GRM8: variants seen among roughly 807,000 people sequenced by gnomAD.
The protein encoded by GRM8 is metabotropic glutamate receptor 8.
In GRM8, 47 loss-of-function variants were observed where a neutral mutation model predicts 87.2. The ratio of observed to expected loss-of-function variants is 0.54; its 90% CI spans 0.43 to 0.69. The LOEUF (loss-of-function observed/expected upper bound fraction) is 0.69. Ranked by LOEUF, GRM8 falls within the 30% of genes least tolerant of loss-of-function variation. The pLI, the probability that GRM8 is intolerant of heterozygous loss-of-function variation, is 0.00. For missense variants in GRM8, 1,019 were observed against 1,139.2 expected (o/e 0.89, Z 1.52); for synonymous variants, 396 against 404.5 (o/e 0.98, Z 0.25).
At position 126,533,167 on chromosome 7, in the gene GRM8, C is replaced by G. The variant is rs752488695; in HGVS notation, c.2215G>C (p.Val739Leu). 2 of 1,612,822 alleles carry G rather than the reference C, an allele frequency of 1.2e-6. No homozygotes were observed. The highest frequency in any genetic ancestry group is 2.2e-5 in the East Asian group (1 of 44,786). Residue 739 changes from valine (V) to leucine (L), a missense_variant, in exon 9 of 11, where the codon GTG becomes CTG. Coordinates refer to ENST00000339582, the MANE Select transcript of GRM8 (RefSeq NM_000845.3). ...AGATCAGAAATGTCACACTTGAGCA[C>G]TCCCCTGGCCTTCTCTGGATCTAGT... ...RTLDPEKARG[V>L]LKCDISDLSL... is the part of the protein sequence containing the mutation.
intron 2 of GRM8, among the ~76,000 whole-genome samples, chr7:127,126,632 C>G (rs1827388827): frequency 6.6e-6 from 1 of 151,732 alleles, no homozygotes; most frequent in Non-Finnish European, 1.5e-5. Flanking sequence ...TTAAATAATA[C>G]TACTAATAAA....
At chr7:126,583,278 C>T (rs1795783425) in intron 8 of GRM8, among the ~76,000 whole-genome samples, 1 of 152,112 alleles carries the variant, frequency 6.6e-6, no homozygotes, top group South Asian at 2.1e-4. Context: ...ATTGCTTGAA[C>T]CCGGGAAAGG....
intron 3 of GRM8, among the ~76,000 whole-genome samples, chr7:127,075,436 T>G (rs961580549): frequency 6.6e-6 from 1 of 152,210 alleles, no homozygotes; most frequent in Non-Finnish European, 1.5e-5. Flanking sequence ...ACTAAAATAT[T>G]TACTTGATAA....
At chr7:127,249,765 G>C (rs1365870293) in intron 1 of GRM8, among the ~76,000 whole-genome samples, 1 of 152,120 alleles carries the variant, frequency 6.6e-6, no homozygotes, top group African/African-American at 2.4e-5. Context: ...GCCTCTCCTG[G>C]GAACAACATG....
chr7:126,489,050 A>G (rs518), intron 9 of GRM8, among the ~76,000 whole-genome samples: 60 of 151,968 alleles, frequency 3.9e-4, no homozygotes, highest in Non-Finnish European at 6.9e-4. Flanking sequence ...CAATGCAGCC[A>G]TATATAGTGG....
rs1805861508 is a variant in GRM8 at position 126,932,470 on chromosome 7, A to C, written c.728-27787T>G. On this transcript the variant is annotated intron_variant, in intron 3 of 10. Coordinates refer to ENST00000339582, the MANE Select transcript of GRM8 (RefSeq NM_000845.3). ...TACCACAGTATTAGTTATTTAAGAC[A>C]CGTTCCTGTGTATCCATGGTTGATC... Among the ~76,000 whole-genome samples the C allele has an allele frequency of 2.6e-5, 4 of 152,216 alleles. No individual in the cohort carries two copies. In the South Asian group the frequency reaches 8.3e-4, roughly 31 times the overall value.
At chr7:126,688,705 C>T (rs6948422) in intron 7 of GRM8, among the ~76,000 whole-genome samples, 132 of 150,738 alleles carry the variant, frequency 8.8e-4, no homozygotes, top group African/African-American at 3.1e-3. Flanking sequence ...TAAATTCTGC[C>T]CCTCCTTTCC....
chr7:126,835,708 G>C (rs560171142), intron 6 of GRM8, among the ~76,000 whole-genome samples: 21 of 152,276 alleles, frequency 1.4e-4, no homozygotes, highest in Admixed American at 1.3e-3. Flanking sequence ...ATGCCATTTG[G>C]CACACAAATT....
At chr7:127,215,108 G>A (rs1039341181) in intron 2 of GRM8, 1 of 152,172 alleles carries the variant, frequency 6.6e-6, no homozygotes, top group African/African-American at 2.4e-5. Context: ...TTTAATCTGT[G>A]AGAATTCTAA....
chr7:126,758,217 A>G (rs890811432), intron 7 of GRM8, among the ~76,000 whole-genome samples: 1 of 152,190 alleles, frequency 6.6e-6, no homozygotes, highest in African/African-American at 2.4e-5. Context: ...AGCAGAAAAA[A>G]ATAATAGTTA....
At chr7:127,008,043 TACGAAAGTGTA>T (rs1320147481) in intron 3 of GRM8, among the ~76,000 whole-genome samples, 4 of 151,968 alleles carry the variant, frequency 2.6e-5, no homozygotes, top group Non-Finnish European at 2.9e-5. Context: ...TTGGCTTTCA[TACGAAAGTGTA>T]AAAACAATGA....
intron 2 of GRM8, among the ~76,000 whole-genome samples, chr7:127,182,562 C>T (rs1794509121): frequency 6.6e-6 from 1 of 151,732 alleles, no homozygotes; most frequent in South Asian, 2.1e-4. Context: ...TATAATGGCA[C>T]AATCCACAAT....
intron 3 of GRM8, among the ~76,000 whole-genome samples, chr7:127,047,728 A>G (rs959220016): frequency 6.6e-6 from 1 of 152,180 alleles, no homozygotes; most frequent in African/African-American, 2.4e-5. Context: ...CTACTGGAGC[A>G]GCTGAGGTAG....
intron 3 of GRM8, 33 bp downstream of exon 3, chr7:127,106,463 C>G: frequency 6.4e-7 from 1 of 1,560,540 alleles, no homozygotes; most frequent in Non-Finnish European, 8.8e-7. Flanking sequence ...TCTGTCACCT[C>G]CAAATACAAT....
intron 9 of GRM8, among the ~76,000 whole-genome samples, chr7:126,461,434 C>T (rs752883272): frequency 5.3e-5 from 8 of 151,562 alleles, no homozygotes; most frequent in Non-Finnish European, 1.2e-4. Flanking sequence ...TGAAACTGCT[C>T]TTTCCAAGAG....
intron 2 of GRM8, among the ~76,000 whole-genome samples, chr7:127,200,064 G>C (rs1215143368): frequency 1.3e-5 from 2 of 152,136 alleles, no homozygotes; most frequent in Non-Finnish European, 2.9e-5. Context: ...AAAACTTTCA[G>C]ATCAGTTATG....
chr7:126,980,984 G>C (rs1322918136), intron 3 of GRM8: 2 of 152,252 alleles, frequency 1.3e-5, no homozygotes, highest in East Asian at 3.9e-4. Context: ...CCTGTGCCAA[G>C]TGTGTTCCCA....
At chr7:126,471,288 T>C (rs989781806) in intron 9 of GRM8, among the ~76,000 whole-genome samples, 7 of 152,206 alleles carry the variant, frequency 4.6e-5, no homozygotes, top group Non-Finnish European at 1.0e-4. Context: ...TGAATGGTAA[T>C]GCCTAGGTTT....
intron 3 of GRM8, among the ~76,000 whole-genome samples, chr7:126,905,265 A>G (rs1363681793): frequency 6.6e-6 from 1 of 152,230 alleles, no homozygotes; most frequent in Admixed American, 6.5e-5. Context: ...ATTGACATAC[A>G]TCGCCACTAT....
Sources: allele counts gnomAD v4.1 joint callset (sites outside exome capture counted in the v4.1 genomes callset), GRCh38; gene constraint gnomAD v4.1.1; transcripts MANE v1.5; gene names NCBI Gene and HGNC (gene_info 2026-07-23, HGNC 2026-07-21).